Variants in IRAG2 observed in about 807,000 individuals in gnomAD.
IRAG2 encodes inositol 1,4,5-triphosphate receptor associated 2.
A neutral mutation model predicts 69.9 loss-of-function variants in IRAG2; 45 were observed. The ratio of observed to expected loss-of-function variants is 0.64; its 90% CI spans 0.51 to 0.83. The LOEUF is 0.83. Ranked by LOEUF, IRAG2 falls within the 40% of genes least tolerant of loss-of-function variation. IRAG2 has a pLI of 0.00. For missense variants in IRAG2, 520 were observed against 587.0 expected (o/e 0.89, Z 1.18); for synonymous variants, 193 against 202.4 (o/e 0.95, Z 0.40).
chr12:25,102,463 C>T, intron 17 of IRAG2: 1 of 519,330 alleles, frequency 1.9e-6, no homozygotes, highest in Non-Finnish European at 3.4e-6. Flanking sequence ...AATGGTTTCT[C>T]TCTGTTGTGT....
At chr12:25,050,411 C>A (rs1428398733), upstream of IRAG2, among the ~76,000 whole-genome samples, 3 of 151,494 alleles carry the variant, frequency 2.0e-5, no homozygotes, top group Non-Finnish European at 2.9e-5. Flanking sequence ...TGCCTGTAGT[C>A]CCAGCTACCC....
intron 1 of IRAG2, among the ~76,000 whole-genome samples, chr12:25,059,798 T>C (rs1945505040): frequency 6.6e-6 from 1 of 152,188 alleles, no homozygotes; most frequent in South Asian, 2.1e-4. Context: ...AAAAAAGTCC[T>C]ATAAAATAAA....
upstream of IRAG2, among the ~76,000 whole-genome samples, chr12:25,050,484 G>A (rs1314001600): frequency 9.0e-5 from 13 of 144,044 alleles, no homozygotes; most frequent in African/African-American, 3.3e-4. Flanking sequence ...AGCTGAGATC[G>A]CGCCAGTGCA....
At chr12:25,099,117 C>T (rs991910119) in intron 15 of IRAG2, among the ~76,000 whole-genome samples, 2 of 152,140 alleles carry the variant, frequency 1.3e-5, no homozygotes, top group African/African-American at 4.8e-5. Flanking sequence ...CCCCTGTGAT[C>T]CCTTGCAGTC....
intron 2 of IRAG2, among the ~76,000 whole-genome samples, chr12:25,007,639 A>G (rs1179018028): frequency 6.6e-6 from 1 of 152,184 alleles, no homozygotes; most frequent in Non-Finnish European, 1.5e-5. Flanking sequence ...CTCCTGCCTC[A>G]GCCTCTCAAG....
intron 6 of IRAG2, among the ~76,000 whole-genome samples, chr12:25,077,991 A>G (rs552263414): frequency 1.3e-5 from 2 of 152,314 alleles, no homozygotes; most frequent in African/African-American, 4.8e-5. Flanking sequence ...TTCCTCTCCA[A>G]TAGCCTAGGT....
intron 6 of IRAG2, among the ~76,000 whole-genome samples, chr12:25,020,339 C>T (rs1371268274): frequency 6.6e-6 from 1 of 152,082 alleles, no homozygotes; most frequent in Non-Finnish European, 1.5e-5. Flanking sequence ...GTTTAGTTGT[C>T]ATCTCCCTCC....
chr12:25,023,437 T>C (rs1348507308), intron 7 of IRAG2, among the ~76,000 whole-genome samples: 1 of 152,212 alleles, frequency 6.6e-6, no homozygotes, highest in Non-Finnish European at 1.5e-5. Context: ...AATTTGAGGC[T>C]GTTAATTGTA....
chr12:25,064,074 G>A (rs1339022726), intron 4 of IRAG2, among the ~76,000 whole-genome samples: 1 of 152,164 alleles, frequency 6.6e-6, no homozygotes, highest in South Asian at 2.1e-4. Context: ...GCCACAGCAG[G>A]TGGGTTGCTT....
intron 1 of IRAG2, among the ~76,000 whole-genome samples, chr12:25,057,191 T>C (rs1945313708): frequency 6.6e-6 from 1 of 151,990 alleles, no homozygotes; most frequent in South Asian, 2.1e-4. Flanking sequence ...TTGTTAGTAC[T>C]CTGGTTACAG....
chr12:25,046,889 A>G (rs73075629), intron 16 of IRAG2, among the ~76,000 whole-genome samples: 2,979 of 152,302 alleles, frequency 0.02, 33 homozygotes, highest in Non-Finnish European at 0.029. Context: ...GAGAAGAAAG[A>G]ACAAAGATGG....
chr12:25,102,455 T>C (rs966876286), intron 17 of IRAG2: 8 of 540,078 alleles, frequency 1.5e-5, no homozygotes, highest in African/African-American at 9.6e-5. Context: ...AGTACAACAA[T>C]GGTTTCTCTC....
At chr12:25,009,871 GAGA>G (rs1944461526) in intron 2 of IRAG2, among the ~76,000 whole-genome samples, 2 of 152,148 alleles carry the variant, frequency 1.3e-5, no homozygotes, top group Non-Finnish European at 2.9e-5. Context: ...TGTTACCTGG[GAGA>G]AGGTCAGCTT....
At chr12:25,067,909 C>A (rs1453571968) in intron 5 of IRAG2, among the ~76,000 whole-genome samples, 1 of 151,964 alleles carries the variant, frequency 6.6e-6, no homozygotes, top group Non-Finnish European at 1.5e-5. Flanking sequence ...GGCATGATCT[C>A]GGCTCACTGC....
intron 16 of IRAG2, among the ~76,000 whole-genome samples, chr12:25,045,536 G>A (rs1944786242): frequency 6.6e-6 from 1 of 151,952 alleles, no homozygotes; most frequent in South Asian, 2.1e-4. Flanking sequence ...AAATGAAGGA[G>A]ATATTACAAC....
chr12:25,088,459 A>G lies in IRAG2; in HGVS notation c.373+302A>G, dbSNP rs1430126440. On this transcript the variant is annotated intron_variant, in intron 11 of 21. Coordinates refer to ENST00000556887, the MANE Select transcript of IRAG2 (RefSeq NM_001366544.2). Reference sequence around the variant, plus strand: ...TTAGTTCTTTTTTAGTATCCCATCTAAAAGTAAAGCCCCTATTTACAGAAT... The same window carrying G: ...TTAGTTCTTTTTTAGTATCCCATCTGAAAGTAAAGCCCCTATTTACAGAAT... 2.6e-5 allele frequency among the ~76,000 whole-genome samples: 4 copies of G among 152,210 alleles called. No individual in the cohort carries two copies. In the East Asian group the frequency reaches 5.8e-4, roughly 22 times the overall value.
chr12:25,050,808 A>G (rs528193713), upstream of IRAG2, among the ~76,000 whole-genome samples: 1 of 152,340 alleles, frequency 6.6e-6, no homozygotes, highest in South Asian at 2.1e-4. Flanking sequence ...AAAAAGAAGG[A>G]AATTCTGCCA....
At chr12:25,036,227 A>C (rs903940369) in intron 14 of IRAG2, among the ~76,000 whole-genome samples, 40 of 152,254 alleles carry the variant, frequency 2.6e-4, no homozygotes, top group African/African-American at 9.2e-4. Flanking sequence ...CCTAGCATAT[A>C]GTAGGTAGCA....
At chr12:25,028,873 T>A (rs1404580073) in intron 9 of IRAG2, among the ~76,000 whole-genome samples, 1 of 152,238 alleles carries the variant, frequency 6.6e-6, no homozygotes, top group Non-Finnish European at 1.5e-5. Context: ...ACATCAATTT[T>A]TTAAAAATTA....
Sources: gnomAD v4.1 joint callset for allele counts (sites outside exome capture counted in the v4.1 genomes callset) on GRCh38, gnomAD v4.1.1 for gene constraint, MANE v1.5 for transcripts, NCBI Gene and HGNC (gene_info 2026-07-23, HGNC 2026-07-21) for gene names.